Variants in ARHGAP29 observed in about 807,000 individuals in gnomAD.
The protein encoded by ARHGAP29 is Rho GTPase activating protein 29, also known as rho GTPase-activating protein 29.
In ARHGAP29, 43 loss-of-function variants were observed where a neutral mutation model predicts 122.6. The ratio of observed to expected loss-of-function variants is 0.35; its 90% CI spans 0.27 to 0.45. ARHGAP29 has a LOEUF of 0.45. ARHGAP29 is among the 20% of genes least tolerant of loss of function. The probability of loss-of-function intolerance (pLI) is 1.00; values close to 1 mark genes in which losing one functional copy is unlikely to be tolerated. For synonymous variants in ARHGAP29, 506 were observed against 497.1 expected, an observed-to-expected ratio of 1.02 and a Z score of -0.24; for missense variants, 1,303 against 1,477.2, an observed-to-expected ratio of 0.88 and a Z score of 1.93.
intron 3 of ARHGAP29, among the ~76,000 whole-genome samples, chr1:94,218,547 T>A (rs1652093952): frequency 6.6e-6 from 1 of 152,176 alleles, no homozygotes; most frequent in Admixed American, 6.5e-5. Flanking sequence ...ACAATTGAAC[T>A]AGGTCGCTAT....
intron 1 of ARHGAP29, among the ~76,000 whole-genome samples, chr1:94,266,818 C>A (rs1002683998): frequency 6.6e-6 from 1 of 152,214 alleles, no homozygotes; most frequent in African/African-American, 2.4e-5. Flanking sequence ...GAGACACATA[C>A]ACAAATCAAC....
the ARHGAP29 span, among the ~76,000 whole-genome samples, chr1:94,301,819 T>G: frequency 2.0e-5 from 3 of 152,174 alleles, no homozygotes; most frequent in Admixed American, 2.0e-4. Flanking sequence ...GGAATCAGAT[T>G]GCTTTGGCCC....
rs1422566131 is a variant in ARHGAP29, at chr1:94,215,860, C to T, written c.340+4398G>A. 2.6e-5 allele frequency among the ~76,000 whole-genome samples: 4 copies of T among 152,144 alleles called. No homozygotes were observed. The East Asian group carries it at 7.7e-4, about 29-fold the overall frequency. On this transcript the variant is annotated intron_variant, in intron 3 of 22. Coordinates refer to ENST00000260526, the MANE Select transcript of ARHGAP29 (RefSeq NM_004815.4). ...TATACAGAGTTTCTACAAATCAATACTAAAAGGAGACCTACCAGCAAAAGA... is the reference window on the plus strand; with the variant it reads ...TATACAGAGTTTCTACAAATCAATATTAAAAGGAGACCTACCAGCAAAAGA...
At chr1:94,297,947 T>C in the ARHGAP29 span, among the ~76,000 whole-genome samples, 1 of 152,214 alleles carries the variant, frequency 6.6e-6, no homozygotes, top group Non-Finnish European at 1.5e-5. Flanking sequence ...GGGGCAGCAC[T>C]ACCTCCAAAC....
chr1:94,310,638 A>G, the ARHGAP29 span, among the ~76,000 whole-genome samples: 16 of 152,148 alleles, frequency 1.1e-4, no homozygotes, highest in African/African-American at 3.1e-4. Context: ...TGAGCCTCCA[A>G]TTGATTAATC....
At chr1:94,209,960 T>C (rs1651480867) in intron 3 of ARHGAP29, among the ~76,000 whole-genome samples, 1 of 152,216 alleles carries the variant, frequency 6.6e-6, no homozygotes, top group African/African-American at 2.4e-5. Context: ...CTGAGGTCCA[T>C]GTTAATTGAC....
At chr1:94,298,401 T>C in the ARHGAP29 span, among the ~76,000 whole-genome samples, 3 of 152,224 alleles carry the variant, frequency 2.0e-5, no homozygotes, top group African/African-American at 4.8e-5. Flanking sequence ...ATCTAAATTC[T>C]TCATTATTTA....
chr1:94,193,399 T>C (rs928301577), intron 12 of ARHGAP29: 1 of 148,908 alleles, frequency 6.7e-6, no homozygotes, highest in African/African-American at 2.4e-5. Context: ...GAAACAATAG[T>C]TGAAAACTTC....
chr1:94,177,622 T>C lies in ARHGAP29; in HGVS notation c.2895A>G (p.Ala965=). 6.2e-7 allele frequency: 1 copy of C among 1,610,800 alleles called. No homozygotes were observed. The highest frequency in any genetic ancestry group is 8.5e-7 in the Non-Finnish European group (1 of 1,178,742). ...TACATGGCTACTCACCACTGAGACA[T>C]GCATCACATTTTCCTAACGCATTTT... ...RKQNALGKCD[A]CLSDKAQLLL... The change falls in exon 22 of 23, where the codon GCA becomes GCG. Residue 965 remains alanine, a synonymous_variant. Transcript: ENST00000260526.
chr1:94,276,631 A>C (rs997912030), upstream of ARHGAP29, among the ~76,000 whole-genome samples: 3 of 151,638 alleles, frequency 2.0e-5, no homozygotes, highest in Admixed American at 2.0e-4. Flanking sequence ...AAATACAAAA[A>C]TTAGCTGGGC....
intron 2 of ARHGAP29, among the ~76,000 whole-genome samples, chr1:94,226,689 A>T (rs891408254): frequency 6.6e-6 from 1 of 151,890 alleles, no homozygotes; most frequent in Non-Finnish European, 1.5e-5. Flanking sequence ...GGAATCTAAT[A>T]CACCGAGAAC....
intron 22 of ARHGAP29, among the ~76,000 whole-genome samples, 184 bp from the exon 23 acceptor site, chr1:94,174,933 T>TA (rs1310037668): frequency 6.6e-6 from 1 of 152,188 alleles, no homozygotes; most frequent in Non-Finnish European, 1.5e-5. Context: ...ATATTGAATT[T>TA]AAAAGTTCAA....
rs1648691675 is a variant in ARHGAP29 at position 94,170,836 on chromosome 1, G to C, written c.*3033C>G. Reference sequence around the variant, plus strand: ...TCAAGATCTTGTACATCTTTTGTTAGACTTATTCTTAGGTAGAGTATTTTG... The same window carrying C: ...TCAAGATCTTGTACATCTTTTGTTACACTTATTCTTAGGTAGAGTATTTTG... On this transcript the variant is annotated 3_prime_UTR_variant, in exon 23 of 23. Coordinates refer to ENST00000260526, the MANE Select transcript of ARHGAP29 (RefSeq NM_004815.4). 6.6e-6 allele frequency among the ~76,000 whole-genome samples: 1 copy of C among 152,070 alleles called. No homozygotes were observed. Among genetic ancestry groups the C allele is most frequent in the African/African-American group, 2.4e-5 (1 of 41,404 alleles).
intron 12 of ARHGAP29, among the ~76,000 whole-genome samples, chr1:94,197,826 GA>G (rs1480603072): frequency 1.3e-5 from 2 of 151,994 alleles, no homozygotes; most frequent in Middle Eastern, 6.4e-3. Flanking sequence ...CAGCAAACTA[GA>G]AAAAAGAAAT....
At chr1:94,239,557 C>A (rs1653494225), upstream of ARHGAP29, among the ~76,000 whole-genome samples, 1 of 149,446 alleles carries the variant, frequency 6.7e-6, no homozygotes, top group African/African-American at 2.5e-5. Flanking sequence ...GAAAGAGAGA[C>A]AACAATAAAG....
chr1:94,281,493 C>T, the ARHGAP29 span, among the ~76,000 whole-genome samples: 11 of 152,302 alleles, frequency 7.2e-5, no homozygotes, highest in African/African-American at 2.6e-4. Context: ...AGATGAGTTA[C>T]AGGACTTCAT....
chr1:94,278,645 C>T (rs888546157), upstream of ARHGAP29, among the ~76,000 whole-genome samples: 4 of 152,160 alleles, frequency 2.6e-5, no homozygotes, highest in African/African-American at 7.2e-5. Context: ...CATTCTGAAA[C>T]TCATTAAAAA....
chr1:94,215,104 G>GAAAAAAAAAAAAAAAAA (rs199693229), intron 3 of ARHGAP29, among the ~76,000 whole-genome samples: 1 of 83,654 alleles, frequency 1.2e-5, no homozygotes, highest in Admixed American at 1.3e-4. Flanking sequence ...GCATGAAAAG[G>GAAAAAAAAAAAAAAAAA]AAAAAAAAAA....
chr1:94,310,334 C>T, the ARHGAP29 span, among the ~76,000 whole-genome samples: 2 of 152,154 alleles, frequency 1.3e-5, no homozygotes, highest in African/African-American at 2.4e-5. Context: ...TTCTACGGCC[C>T]GGGAAGATGG....
Sources: gnomAD v4.1 joint callset for allele counts (sites outside exome capture counted in the v4.1 genomes callset) on GRCh38, gnomAD v4.1.1 for gene constraint, MANE v1.5 for transcripts, NCBI Gene and HGNC (gene_info 2026-07-23, HGNC 2026-07-21) for gene names.